ITGA4: variants seen among roughly 807,000 people sequenced by gnomAD.
ITGA4 encodes the protein integrin alpha-4.
In ITGA4, 63 loss-of-function variants were observed where a neutral mutation model predicts 133.6. The observed-to-expected ratio is 0.47, with a 90% CI of 0.38 to 0.58. The LOEUF (loss-of-function observed/expected upper bound fraction) is 0.58, where lower values mean the gene tolerates loss of function less well. ITGA4 is among the 20% of genes least tolerant of loss of function. The pLI is 0.00. For missense variants in ITGA4, 1,076 were observed against 1,252.7 expected (o/e 0.86, Z 2.13); for synonymous variants, 483 against 438.0 (o/e 1.10, Z -1.28).
chr2:181,507,841 C>T (rs955320639), intron 15 of ITGA4, among the ~76,000 whole-genome samples: 1 of 152,026 alleles, frequency 6.6e-6, no homozygotes, highest in Admixed American at 6.6e-5. Flanking sequence ...GTGGCTGAAC[C>T]CACAGATGTG....
In ITGA4 at chr2:181,537,599, G is replaced by T; in HGVS notation, c.*2072G>T. 1 of 428,928 alleles carries T rather than the reference G, an allele frequency of 2.3e-6. No individual in the cohort carries two copies. The highest frequency in any genetic ancestry group is 1.7e-5 in the South Asian group (1 of 59,008). The allele number at this position is 428,928 out of a possible 1,614,324, so 26.6% of individuals were successfully genotyped here. ...TGAAATCTGTATTATATTTGTAACAGAATATAGGAAATTTAACATAATTGA... is the reference window on the plus strand; with the variant it reads ...TGAAATCTGTATTATATTTGTAACATAATATAGGAAATTTAACATAATTGA... On this transcript the variant is annotated 3_prime_UTR_variant, in exon 28 of 28. Coordinates refer to ENST00000397033, the MANE Select transcript of ITGA4 (RefSeq NM_000885.6).
intron 15 of ITGA4, among the ~76,000 whole-genome samples, chr2:181,506,010 G>A (rs936781126): frequency 2.6e-5 from 4 of 151,918 alleles, no homozygotes; most frequent in Admixed American, 6.6e-5. Flanking sequence ...ATTCCTATAC[G>A]GTCAAAGTTT....
chr2:181,493,296 A>AT lies in ITGA4; in HGVS notation c.1154-24dup, dbSNP rs767064499. On this transcript the variant is annotated intron_variant, in intron 10 of 27. Coordinates refer to ENST00000397033, the MANE Select transcript of ITGA4 (RefSeq NM_000885.6). ...GTTGCATTCTTTGTATCAAGAATTT[A>AT]TTTTTCCATTGTTTAAATTATTGGA... The AT allele has an allele frequency of 2.7e-6, 4 of 1,485,780 alleles. No homozygotes were observed. In the South Asian group the frequency reaches 3.5e-5, roughly 13 times the overall value. The allele number at this position is 1,485,780 out of a possible 1,614,324, so 92.0% of individuals were successfully genotyped here.
chr2:181,528,404 T>G (rs1298569990), intron 22 of ITGA4, among the ~76,000 whole-genome samples: 1 of 152,252 alleles, frequency 6.6e-6, no homozygotes, highest in Non-Finnish European at 1.5e-5. Flanking sequence ...TGTTTATTTA[T>G]TAATTTACAA....
intron 17 of ITGA4, among the ~76,000 whole-genome samples, chr2:181,514,023 G>A (rs1686557593): frequency 6.6e-6 from 1 of 152,086 alleles, no homozygotes; most frequent in African/African-American, 2.4e-5. Context: ...GAGGTTTGCT[G>A]AGAATGGAAC....
chr2:181,514,323 G>C (rs377352952), intron 17 of ITGA4, among the ~76,000 whole-genome samples: 20 of 152,044 alleles, frequency 1.3e-4, no homozygotes, highest in Non-Finnish European at 2.5e-4. Flanking sequence ...AAATAGGGTT[G>C]AGTACCCTAC....
chr2:181,518,917 T>A (rs1686664530), intron 17 of ITGA4, among the ~76,000 whole-genome samples: 1 of 152,046 alleles, frequency 6.6e-6, no homozygotes, highest in Non-Finnish European at 1.5e-5. Context: ...ATTCAAAGAT[T>A]TTTAAGAAAT....
chr2:181,509,354 G>T (rs902986405), intron 15 of ITGA4, among the ~76,000 whole-genome samples: 2 of 151,776 alleles, frequency 1.3e-5, no homozygotes, highest in South Asian at 2.1e-4. Flanking sequence ...ATAATATCAA[G>T]TTATCTTTTA....
chr2:181,536,031 C>T lies in ITGA4; in HGVS notation c.*504C>T, dbSNP rs1184986335. The T allele has an allele frequency of 6.6e-6, 1 of 152,120 alleles. No individual in the cohort carries two copies. The highest frequency in any genetic ancestry group is 2.4e-5 in the African/African-American group (1 of 41,362). The allele number at this position is 152,120 out of a possible 1,614,324, so 9.4% of individuals were successfully genotyped here. ...TTTTCTAACGAGTGGACCATTATCA[C>T]TTTAAAGCCCTTTATTTATAATACA... is the stretch of plus-strand genomic sequence containing the variant. On this transcript the variant is annotated 3_prime_UTR_variant, in exon 28 of 28. Transcript: ENST00000397033.
Position 181,537,955 on chromosome 2 carries a change from A to T in ITGA4, c.*2428A>T. 1 of 636,946 alleles carries T rather than the reference A, an allele frequency of 1.6e-6. No individual in the cohort carries two copies. The highest frequency in any genetic ancestry group is 1.5e-5 in the South Asian group (1 of 66,012). 39.5% of individuals were successfully genotyped at this position (636,946 alleles called of 1,614,324 possible). ...AGATTCTCATAGAAGTGCGAACCATATGGTGAACTGGTATGTGAGGGATCT... is the reference window on the plus strand; with the variant it reads ...AGATTCTCATAGAAGTGCGAACCATTTGGTGAACTGGTATGTGAGGGATCT... On this transcript the variant is annotated 3_prime_UTR_variant, in exon 28 of 28. Transcript: ENST00000397033.
At chr2:181,458,857 G>C (rs1417973484) in intron 2 of ITGA4, 1 of 152,782 alleles carries the variant, frequency 6.5e-6, no homozygotes, top group Non-Finnish European at 1.5e-5. Context: ...CGTTAATGTA[G>C]TATAATTTTC....
chr2:181,457,523 C>T lies in ITGA4; in HGVS notation c.-132C>T. The T allele has an allele frequency of 3.5e-6, 3 of 865,186 alleles. No individual in the cohort carries two copies. Among genetic ancestry groups the T allele is most frequent in the South Asian group, 1.7e-5 (1 of 59,456 alleles). The allele number at this position is 865,186 out of a possible 1,614,324, so 53.6% of individuals were successfully genotyped here. The stretch of plus-strand genomic sequence containing the variant: ...TTCCCCTCCTCTTCCCTCTCTCCTT[C>T]CTTTAGCCCGCTGGCGCCGGACACG... On this transcript the variant is annotated 5_prime_UTR_variant, in exon 1 of 28. Transcript: ENST00000397033.
chr2:181,488,048 CTT>C (rs1371134063), intron 10 of ITGA4, among the ~76,000 whole-genome samples: 1 of 152,170 alleles, frequency 6.6e-6, no homozygotes, highest in African/African-American at 2.4e-5. Context: ...TATTTTTACT[CTT>C]TTGAATGTGA....
intron 25 of ITGA4, among the ~76,000 whole-genome samples, chr2:181,533,203 G>A (rs969152665): frequency 2.6e-5 from 4 of 152,178 alleles, no homozygotes; most frequent in African/African-American, 9.7e-5. Context: ...TAAATGAGAT[G>A]ATTTTTATAA....
intron 2 of ITGA4, among the ~76,000 whole-genome samples, chr2:181,460,406 A>G (rs572668528): frequency 6.6e-6 from 1 of 152,230 alleles, no homozygotes; most frequent in Non-Finnish European, 1.5e-5. Context: ...TTGAAGCTAT[A>G]AAATAGGGAT....
intron 10 of ITGA4, among the ~76,000 whole-genome samples, chr2:181,487,000 C>A (rs1371047405): frequency 6.6e-6 from 1 of 152,116 alleles, no homozygotes; most frequent in Non-Finnish European, 1.5e-5. Context: ...CATTATTCTA[C>A]ATAAAAAGTC....
intron 9 of ITGA4, among the ~76,000 whole-genome samples, chr2:181,483,939 CCCT>C (rs1574388397): frequency 6.6e-6 from 1 of 152,284 alleles, no homozygotes; most frequent in East Asian, 1.9e-4. Context: ...CACTTGGCTA[CCCT>C]CCTTTTCTTC....
At chr2:181,498,838 A>T in intron 15 of ITGA4, 61 bp downstream of exon 15, 4 of 1,506,872 alleles carry the variant, frequency 2.7e-6, no homozygotes, top group Non-Finnish European at 3.6e-6. Flanking sequence ...ATAGAGAGCA[A>T]CTTATTGTAT....
chr2:181,460,573 G>A (rs375709430), intron 2 of ITGA4, among the ~76,000 whole-genome samples: 1,806 of 149,332 alleles, frequency 0.012, 33 homozygotes, highest in African/African-American at 0.038. Flanking sequence ...AAGAGTGTGT[G>A]TGTGTGTGTG....
Sources: gnomAD v4.1 joint callset for allele counts (sites outside exome capture counted in the v4.1 genomes callset) on GRCh38, gnomAD v4.1.1 for gene constraint, MANE v1.5 for transcripts, NCBI Gene and HGNC (gene_info 2026-07-23, HGNC 2026-07-21) for gene names.